The following SETD5 variants were observed in gnomAD, a reference collection of about 807,000 sequenced individuals.
SETD5 encodes SET domain containing 5.
A neutral mutation model predicts 153.3 loss-of-function variants in SETD5; 44 were observed. That is an observed-to-expected ratio of 0.29 (90% confidence interval 0.23 to 0.37). The LOEUF is 0.37. Ranked by LOEUF, SETD5 falls within the 10% of genes least tolerant of loss-of-function variation. SETD5 has a pLI of 1.00. For synonymous variants in SETD5, 716 were observed against 645.2 expected, an observed-to-expected ratio of 1.11 and a Z score of -1.66; for missense variants, 1,544 against 1,768.0, an observed-to-expected ratio of 0.87 and a Z score of 2.27.
intron 13 of SETD5, among the ~76,000 whole-genome samples, chr3:9,445,978 T>G (rs1287625673): frequency 1.4e-5 from 2 of 147,444 alleles, no homozygotes; most frequent in East Asian, 1.9e-4. Context: ...TTTTTTTTTT[T>G]TTTTTTTTTT....
chr3:9,422,087 CA>C (rs1378176785), intron 1 of SETD5, among the ~76,000 whole-genome samples: 5 of 151,924 alleles, frequency 3.3e-5, no homozygotes, highest in Admixed American at 6.6e-5. Flanking sequence ...AACCTGATAC[CA>C]AAACTTCTGA....
At chr3:9,464,753 CA>C in intron 18 of SETD5, 81 bp downstream of exon 18, 1 of 1,593,804 alleles carries the variant, frequency 6.3e-7, no homozygotes, top group Non-Finnish European at 8.6e-7. Flanking sequence ...AATACCATTC[CA>C]AATGTTTCTT....
chr3:9,450,339 G>T (rs1463320799), intron 16 of SETD5, among the ~76,000 whole-genome samples: 1 of 152,140 alleles, frequency 6.6e-6, no homozygotes, highest in African/African-American at 2.4e-5. Context: ...ATGTGTCATG[G>T]TTAGTCTTTA....
Position 9,475,864 on chromosome 3 carries a change from A to G in SETD5, c.4102A>G (p.Thr1368Ala). Reference protein sequence around the residue: ...SDSVSQSSTGTLSSTSFPQNS... With the variant: ...SDSVSQSSTGALSSTSFPQNS... Reference sequence around the variant, plus strand: ...TTCAGTTTCTCAGTCCAGCACAGGAACTCTGAGTTCCACCTCCTTTCCTCA... The same window carrying G: ...TTCAGTTTCTCAGTCCAGCACAGGAGCTCTGAGTTCCACCTCCTTTCCTCA... Residue 1368 changes from threonine to alanine, a missense_variant, in exon 23 of 23, where the codon ACT becomes GCT. By Grantham distance (58) the Thr-to-Ala change is moderately conservative (BLOSUM62 0). This residue lies in a region of SETD5 where 302 missense variants were observed against 277.6 expected (regional missense o/e 1.09). Coordinates refer to ENST00000402198, the MANE Select transcript of SETD5 (RefSeq NM_001080517.3). 1 of 1,613,922 alleles carries G rather than the reference A, an allele frequency of 6.2e-7. No homozygotes were observed. The highest frequency in any genetic ancestry group is 8.5e-7 in the Non-Finnish European group (1 of 1,179,878).
intron 1 of SETD5, among the ~76,000 whole-genome samples, chr3:9,419,129 C>G (rs1240958682): frequency 1.3e-5 from 2 of 152,152 alleles, no homozygotes; most frequent in South Asian, 2.1e-4. Flanking sequence ...ACCCGGCCCA[C>G]TTACAGGATT....
At chr3:9,414,632 A>T (rs1473931416) in intron 1 of SETD5, among the ~76,000 whole-genome samples, 11 of 152,178 alleles carry the variant, frequency 7.2e-5, no homozygotes, top group Admixed American at 6.5e-4. Flanking sequence ...ATGGAAGGAT[A>T]TTGTGCAGAA....
chr3:9,447,128 C>G lies in SETD5; in HGVS notation c.1603C>G (p.Pro535Ala), dbSNP rs1481418401. The G allele has an allele frequency of 1.2e-6, 2 of 1,613,980 alleles. No homozygotes were observed. The highest frequency in any genetic ancestry group is 1.7e-5 in the Admixed American group (1 of 60,012). The change falls in exon 14 of 23, where the codon CCC (proline) becomes GCC (alanine). Residue 535 changes from proline (P) to alanine (A), a missense_variant. By Grantham distance (27) the Pro-to-Ala change is conservative. Transcript: ENST00000402198. ...GAAAAGAAAGAAGCGGCGGGATCAG[C>G]CCTTGGAACAGAGCAACTCTGATGT... ...LEKRKKRRDQ[P>A]LEQSNSDVEI...
chr3:9,430,024 T>G (rs915383468), intron 3 of SETD5: 2 of 1,123,464 alleles, frequency 1.8e-6, no homozygotes, highest in Non-Finnish European at 2.2e-6. Flanking sequence ...GTTCAGACTC[T>G]TGATCCCACA....
intron 14 of SETD5, 31 bp downstream of exon 14, chr3:9,447,338 C>T: frequency 2.5e-6 from 4 of 1,585,196 alleles, no homozygotes; most frequent in Non-Finnish European, 3.4e-6. Flanking sequence ...AGCACTTAGA[C>T]ATCCTCACCT....
chr3:9,412,691 A>G (rs1335015450), intron 1 of SETD5, among the ~76,000 whole-genome samples: 4 of 151,916 alleles, frequency 2.6e-5, no homozygotes, highest in Non-Finnish European at 2.9e-5. Flanking sequence ...GTTTACAGGC[A>G]TAAGCCATCA....
intron 3 of SETD5, chr3:9,429,772 A>G (rs763462366): frequency 3.3e-5 from 39 of 1,179,456 alleles, no homozygotes; most frequent in Non-Finnish European, 4.2e-5. Flanking sequence ...CCCTGCTCAC[A>G]GATTCCCCCT....
chr3:9,463,683 T>C (rs1415905936), intron 17 of SETD5, among the ~76,000 whole-genome samples: 1 of 152,162 alleles, frequency 6.6e-6, no homozygotes, highest in Non-Finnish European at 1.5e-5. Flanking sequence ...AGGAATCATA[T>C]AAGAATAGAA....
chr3:9,473,585 G>A, intron 20 of SETD5, 48 bp downstream of exon 20: 1 of 1,527,934 alleles, frequency 6.5e-7, no homozygotes, highest in South Asian at 1.2e-5. Flanking sequence ...GTGGGGGGGA[G>A]TATATATCTA....
In SETD5 at chr3:9,464,635, C is replaced by G; in HGVS notation, c.2687C>G (p.Thr896Ser). 1 of 1,614,046 alleles carries G rather than the reference C, an allele frequency of 6.2e-7. No homozygotes were observed. Among genetic ancestry groups the G allele is most frequent in the Non-Finnish European group, 8.5e-7 (1 of 1,179,896 alleles). ...ATGTTTTCACCAGTCACATCTCTTA[C>G]TACTGCTAGTCGCTGCAACACTCCT... ...SLMFSPVTSL[T>S]TASRCNTPLQ... Residue 896 changes from threonine (T) to serine (S), a missense_variant, in exon 18 of 23, where the codon ACT (threonine) becomes AGT (serine). Thr to Ser is a moderately conservative substitution (Grantham distance 58). Around this residue, in one of 9 missense-constraint regions of SETD5, gnomAD observed 782 missense variants for 787.2 expected, o/e 0.99. Transcript: ENST00000402198.
chr3:9,450,125 G>A (rs1318089461), intron 16 of SETD5, among the ~76,000 whole-genome samples: 2 of 152,328 alleles, frequency 1.3e-5, no homozygotes, highest in East Asian at 1.9e-4. Context: ...GTCTAGGACT[G>A]TAACTTCAGA....
At chr3:9,432,314 C>G (rs2040056532) in intron 3 of SETD5, 1 of 984,674 alleles carries the variant, frequency 1.0e-6, no homozygotes, top group Non-Finnish European at 1.2e-6. Flanking sequence ...AGTTTTGGAG[C>G]ATATAACTGG....
chr3:9,468,231 A>C (rs1344550965), intron 18 of SETD5, among the ~76,000 whole-genome samples: 2 of 152,058 alleles, frequency 1.3e-5, no homozygotes, highest in Non-Finnish European at 2.9e-5. Flanking sequence ...AAATTTCACC[A>C]GTCTAACTCT....
chr3:9,467,514 C>T (rs558907258), intron 18 of SETD5, among the ~76,000 whole-genome samples: 114 of 152,224 alleles, frequency 7.5e-4, no homozygotes, highest in African/African-American at 2.6e-3. Context: ...AGATGTACAC[C>T]ACCCACTGTC....
intron 17 of SETD5, among the ~76,000 whole-genome samples, 194 bp from the exon 18 acceptor site, chr3:9,464,231 A>G (rs2044304105): frequency 6.6e-6 from 1 of 152,184 alleles, no homozygotes; most frequent in South Asian, 2.1e-4. Flanking sequence ...GGGAGATAGA[A>G]TGTTTTCAGA....
Sources: allele counts gnomAD v4.1 joint callset (sites outside exome capture counted in the v4.1 genomes callset), GRCh38; gene constraint gnomAD v4.1.1; regional missense constraint gnomAD v4.1.1; transcripts MANE v1.5; gene names NCBI Gene and HGNC (gene_info 2026-07-23, HGNC 2026-07-21).